Variants in RBFOX1 observed in about 807,000 individuals in gnomAD.
The protein encoded by RBFOX1 is RNA binding protein fox-1 homolog 1.
In RBFOX1, 8 loss-of-function variants were observed where a neutral mutation model predicts 57.7. The observed-to-expected ratio is 0.14, with a 90% CI of 0.08 to 0.25. The LOEUF is 0.25. Among genes scored for constraint, RBFOX1 ranks in the 10% least tolerant of loss-of-function variants. The probability of loss-of-function intolerance (pLI) is 1.00; values close to 1 mark genes in which losing one functional copy is unlikely to be tolerated. For missense variants in RBFOX1, 611 were observed against 548.5 expected, an observed-to-expected ratio of 1.11 and a Z score of -1.14; for synonymous variants, 326 against 222.4, an observed-to-expected ratio of 1.47 and a Z score of -4.15.
At chr16:6,533,486 A>G (rs935966435) in intron 2 of RBFOX1, among the ~76,000 whole-genome samples, 1 of 152,144 alleles carries the variant, frequency 6.6e-6, no homozygotes, top group Admixed American at 6.6e-5. Context: ...TCTGGACTCT[A>G]CACTTGACAC....
At chr16:5,462,668 T>C (rs2068828669) in intron 1 of RBFOX1, among the ~76,000 whole-genome samples, 2 of 152,200 alleles carry the variant, frequency 1.3e-5, no homozygotes, top group South Asian at 4.1e-4. Context: ...TACATTATGA[T>C]GCATCCATGG....
rs147066428 is a variant in RBFOX1, at chr16:6,756,308, A to G, written c.-16+101658A>G. On this transcript the variant is annotated intron_variant, in intron 3 of 15. Transcript: ENST00000550418. ...GAAACAAGACCCTATTTCTTACCGT[A>G]TACAAAAATCAACTCAAAATGCATT... Among the ~76,000 whole-genome samples the G allele has an allele frequency of 1.8e-4, 28 of 152,334 alleles. 1 individual carries two copies. In the East Asian group the frequency reaches 4.8e-3, roughly 26 times the overall value.
chr16:6,729,028 A>G (rs1021449759), intron 3 of RBFOX1, among the ~76,000 whole-genome samples: 15 of 152,308 alleles, frequency 9.8e-5, no homozygotes, highest in African/African-American at 3.4e-4. Flanking sequence ...TACGGGGATA[A>G]CTTTAAATAA....
At chr16:7,667,090 C>T (rs569309290) in intron 13 of RBFOX1, among the ~76,000 whole-genome samples, 1 of 152,190 alleles carries the variant, frequency 6.6e-6, no homozygotes, top group Non-Finnish European at 1.5e-5. Context: ...CATATGCAAT[C>T]AGGTGGCAGA....
At chr16:7,520,278 C>T (rs935781255) in intron 5 of RBFOX1, among the ~76,000 whole-genome samples, 1 of 152,168 alleles carries the variant, frequency 6.6e-6, no homozygotes, top group African/African-American at 2.4e-5. Context: ...ATACATATAA[C>T]ATAAAACTTA....
At chr16:5,658,292 T>C (rs987007339) in intron 3 of RBFOX1, among the ~76,000 whole-genome samples, 1 of 152,110 alleles carries the variant, frequency 6.6e-6, no homozygotes, top group Non-Finnish European at 1.5e-5. Context: ...TGGAAAGATA[T>C]CCTGAGCCAA....
chr16:5,954,494 G>T (rs565668980), intron 4 of RBFOX1, among the ~76,000 whole-genome samples: 15 of 152,156 alleles, frequency 9.9e-5, no homozygotes, highest in Non-Finnish European at 1.5e-4. Flanking sequence ...AGAGATGCTC[G>T]TGGTGCCCTT....
intron 2 of RBFOX1, among the ~76,000 whole-genome samples, chr16:5,559,288 T>A (rs2045800926): frequency 6.6e-6 from 1 of 152,094 alleles, no homozygotes; most frequent in South Asian, 2.1e-4. Context: ...ATGGTTTGTA[T>A]ATTTTTTGAT....
intron 5 of RBFOX1, among the ~76,000 whole-genome samples, chr16:7,528,418 A>G (rs1477565355): frequency 6.6e-6 from 1 of 152,178 alleles, no homozygotes; most frequent in Non-Finnish European, 1.5e-5. Flanking sequence ...GACTGATGTA[A>G]GTGTTTGAAG....
At chr16:6,444,604 A>G (rs1473008881) in intron 2 of RBFOX1, among the ~76,000 whole-genome samples, 1 of 152,034 alleles carries the variant, frequency 6.6e-6, no homozygotes, top group Admixed American at 6.5e-5. Context: ...AGGCCTCCCC[A>G]GCCATGTGGA....
rs34056673 is a variant in RBFOX1 at position 7,023,564 on chromosome 16, T to TAAAAAAAAAAAAAAAAAA, written c.-15-28480_-15-28463dup. Among the ~76,000 whole-genome samples, 109 of 43,924 alleles carry TAAAAAAAAAAAAAAAAAA rather than the reference T, an allele frequency of 2.5e-3. 13 individuals carry two copies. The highest frequency in any genetic ancestry group is 3.5e-3 in the Non-Finnish European group (86 of 24,494). The allele number at this position is 43,924 out of a possible 152,430, so 28.8% of individuals were successfully genotyped here. ...CAACATGGTGAAACTTCGTCTGTAC[T>TAAAAAAAAAAAAAAAAAA]AAAAAAAAAAAAAAAAAAAAAAAAA... On this transcript the variant is annotated intron_variant, in intron 3 of 15. Coordinates refer to ENST00000550418, the MANE Select transcript of RBFOX1 (RefSeq NM_018723.4).
rs374458930 is a variant in RBFOX1, at chr16:5,852,876, C to T, written c.319-14427C>T. ...GGGATATGGGTGGAGGATCACCTTTCCCCTGCCAGCAGACTCTTACCCATC... is the reference window on the plus strand; with the variant it reads ...GGGATATGGGTGGAGGATCACCTTTTCCCTGCCAGCAGACTCTTACCCATC... On this transcript the variant is annotated intron_variant, in intron 3 of 19. Coordinates refer to the RBFOX1 transcript ENST00000641259. Among the ~76,000 whole-genome samples, 46 of 152,168 alleles carry T rather than the reference C, an allele frequency of 3.0e-4. No individual in the cohort carries two copies. The East Asian group carries it at 4.3e-3, about 14-fold the overall frequency.
At chr16:5,587,009 A>T (rs902998406) in intron 2 of RBFOX1, among the ~76,000 whole-genome samples, 7 of 152,162 alleles carry the variant, frequency 4.6e-5, no homozygotes, top group Admixed American at 1.3e-4. Flanking sequence ...GCAAATCCTG[A>T]AAAGAAGGCA....
intron 4 of RBFOX1, among the ~76,000 whole-genome samples, chr16:7,104,996 C>T: frequency 6.6e-6 from 1 of 152,124 alleles, no homozygotes; most frequent in Admixed American, 6.6e-5. Flanking sequence ...TTTCTCAGCT[C>T]TGCTTTCTTT....
intron 1 of RBFOX1, among the ~76,000 whole-genome samples, chr16:6,281,369 A>C (rs1290247752): frequency 6.6e-6 from 1 of 152,072 alleles, no homozygotes; most frequent in Non-Finnish European, 1.5e-5. Context: ...CTCTGCATAG[A>C]AGTAGGGGAC....
At chr16:5,683,831 A>G (rs1351629181) in intron 3 of RBFOX1, among the ~76,000 whole-genome samples, 1 of 148,692 alleles carries the variant, frequency 6.7e-6, no homozygotes, top group East Asian at 1.9e-4. Context: ...TTTAATGTAT[A>G]TTATATGTAA....
At chr16:5,949,540 AAAAAAG>A (rs201316457) in intron 4 of RBFOX1, among the ~76,000 whole-genome samples, 8,817 of 140,526 alleles carry the variant, frequency 0.063, 368 homozygotes, top group South Asian at 0.1. Flanking sequence ...AAAAAAAAAA[AAAAAAG>A]AAAAGAATAC....
chr16:6,402,059 G>T lies in RBFOX1; in HGVS notation c.-64+85002G>T, dbSNP rs187715289. ...TCTAATGGTGGGGCCAGGGAGAAGG[G>T]TCAGAAGGATGAGATGACTGGGGAG... On this transcript the variant is annotated intron_variant, in intron 2 of 15. Coordinates refer to ENST00000550418, the MANE Select transcript of RBFOX1 (RefSeq NM_018723.4). Among the ~76,000 whole-genome samples the T allele has an allele frequency of 1.5e-4, 23 of 151,180 alleles. No homozygotes were observed. The East Asian group carries it at 4.1e-3, about 27-fold the overall frequency.
chr16:7,692,523 C>G (rs747018507), intron 14 of RBFOX1, among the ~76,000 whole-genome samples: 4 of 152,098 alleles, frequency 2.6e-5, no homozygotes, highest in Admixed American at 6.6e-5. Flanking sequence ...ACCCAGAGCC[C>G]CTGTACTGCT....
Sources: gnomAD v4.1 joint callset for allele counts (sites outside exome capture counted in the v4.1 genomes callset) on GRCh38, gnomAD v4.1.1 for gene constraint, MANE v1.5 for transcripts, NCBI Gene and HGNC (gene_info 2026-07-23, HGNC 2026-07-21) for gene names.